The following CADPS2 variants were observed in gnomAD, a reference collection of about 807,000 sequenced individuals.
CADPS2 encodes calcium-dependent secretion activator 2.
A neutral mutation model predicts 172.5 loss-of-function variants in CADPS2; 93 were observed. The observed-to-expected ratio is 0.54, with a 90% CI of 0.46 to 0.64. The LOEUF is 0.64. CADPS2 is among the 30% of genes least tolerant of loss of function. The pLI is 0.00. For missense variants in CADPS2, 1,420 were observed against 1,565.9 expected, an observed-to-expected ratio of 0.91 and a Z score of 1.57; for synonymous variants, 546 against 555.2, an observed-to-expected ratio of 0.98 and a Z score of 0.23.
At chr7:122,746,914 T>C (rs1460708253) in intron 1 of CADPS2, among the ~76,000 whole-genome samples, 1 of 152,138 alleles carries the variant, frequency 6.6e-6, no homozygotes, top group Non-Finnish European at 1.5e-5. Flanking sequence ...GCAAGTCTTG[T>C]TGGTCATTAT....
intron 1 of CADPS2, among the ~76,000 whole-genome samples, chr7:122,871,230 A>G (rs1162583336): frequency 6.6e-6 from 1 of 151,796 alleles, no homozygotes; most frequent in Non-Finnish European, 1.5e-5. Flanking sequence ...TTTTTGACTT[A>G]TGTATTCCAG....
chr7:122,471,456 T>A lies in CADPS2; in HGVS notation c.2105A>T (p.His702Leu). ...GTCAATGACAGCACCATTTTCTGAA[T>A]GTTCCATCAGTTCTGCAAGGTAGCA... The part of the protein sequence containing the change: ...HLCYLAELME[H>L]SENGAVIDPT... The change falls in exon 14 of 30, where the codon CAT (histidine) becomes CTT (leucine). Residue 702 changes from histidine (H) to leucine (L), a missense_variant. Transcript: ENST00000449022. 6.2e-7 allele frequency: 1 copy of A among 1,613,616 alleles called. No homozygotes were observed. The highest frequency in any genetic ancestry group is 8.5e-7 in the Non-Finnish European group (1 of 1,179,742).
intron 1 of CADPS2, among the ~76,000 whole-genome samples, chr7:122,766,112 A>G (rs570735894): frequency 6.6e-6 from 1 of 152,172 alleles, no homozygotes; most frequent in African/African-American, 2.4e-5. Flanking sequence ...GGCACATGCA[A>G]AGAGGCCAAA....
At chr7:122,662,380 T>A (rs2080682659) in intron 3 of CADPS2, among the ~76,000 whole-genome samples, 1 of 150,022 alleles carries the variant, frequency 6.7e-6, no homozygotes, top group Admixed American at 6.7e-5. Flanking sequence ...CCCTGCTTTT[T>A]TTTTTTTTTT....
chr7:122,874,165 TAC>T (rs1243756225), intron 1 of CADPS2, among the ~76,000 whole-genome samples: 1 of 152,232 alleles, frequency 6.6e-6, no homozygotes, highest in African/African-American at 2.4e-5. Flanking sequence ...TTAGTTCTTT[TAC>T]ATCCCATTTA....
intron 9 of CADPS2, among the ~76,000 whole-genome samples, chr7:122,491,734 T>G (rs2129724229): frequency 6.6e-6 from 1 of 152,274 alleles, no homozygotes; most frequent in Admixed American, 6.5e-5. Context: ...ATTAGCCTAT[T>G]AAGAAGATAA....
At chr7:122,373,109 T>C (rs1318851155) in intron 25 of CADPS2, among the ~76,000 whole-genome samples, 1 of 152,230 alleles carries the variant, frequency 6.6e-6, no homozygotes, top group Admixed American at 6.5e-5. Context: ...CAGTAGGTAC[T>C]TCATAACTCT....
rs117467796 is a variant in CADPS2 at position 122,362,911 on chromosome 7, C to T, written c.3388-1898G>A. Among the ~76,000 whole-genome samples, 300 of 152,178 alleles carry T rather than the reference C, an allele frequency of 2.0e-3. 2 individuals are homozygous for T. Among genetic ancestry groups the T allele is most frequent in the Middle Eastern group, 3.4e-3 (1 of 294 alleles). Reference sequence around the variant, plus strand: ...ATAGGTTTCTCCATCACATCATTTGCGACATGATGTAAGAACACAGAAACA... The same window carrying T: ...ATAGGTTTCTCCATCACATCATTTGTGACATGATGTAAGAACACAGAAACA... On this transcript the variant is annotated intron_variant, in intron 25 of 29. Coordinates refer to ENST00000449022, the MANE Select transcript of CADPS2 (RefSeq NM_017954.11).
intron 1 of CADPS2, among the ~76,000 whole-genome samples, chr7:122,769,615 C>A (rs1306968488): frequency 6.6e-6 from 1 of 152,132 alleles, no homozygotes; most frequent in African/African-American, 2.4e-5. Context: ...TTGCTAAAAG[C>A]CATTTTCTCA....
chr7:122,391,266 G>A (rs2044332520), intron 22 of CADPS2, among the ~76,000 whole-genome samples: 1 of 151,918 alleles, frequency 6.6e-6, no homozygotes, highest in African/African-American at 2.4e-5. Flanking sequence ...TCCCCAGAAT[G>A]GTGAAAGCAC....
intron 5 of CADPS2, among the ~76,000 whole-genome samples, chr7:122,621,205 T>G (rs1396577554): frequency 6.6e-6 from 1 of 152,070 alleles, no homozygotes; most frequent in African/African-American, 2.4e-5. Context: ...CTCATCTTAT[T>G]TTATCAGTAA....
intron 19 of CADPS2, among the ~76,000 whole-genome samples, chr7:122,408,181 T>A (rs909590577): frequency 8.9e-6 from 1 of 112,822 alleles, no homozygotes; most frequent in African/African-American, 4.7e-5. Flanking sequence ...TATACTGTTA[T>A]TTTTTTTTTT....
At chr7:122,761,603 C>A (rs1179897650) in intron 1 of CADPS2, among the ~76,000 whole-genome samples, 5 of 151,932 alleles carry the variant, frequency 3.3e-5, no homozygotes, top group Non-Finnish European at 7.4e-5. Context: ...AAACCACCAC[C>A]CTATTCTTAC....
chr7:122,568,129 T>C (rs549928247), intron 7 of CADPS2, among the ~76,000 whole-genome samples: 109 of 152,246 alleles, frequency 7.2e-4, no homozygotes, highest in Admixed American at 1.4e-3. Context: ...CTGGGCACAG[T>C]GGCTCATGCC....
rs562110145 is a variant in CADPS2, at chr7:122,471,513, C to T, written c.2048G>A (p.Arg683His). ...QVFVLDEYCA[R>H]YGVRGCHRHL... ...TCTGTGACAGCCTCTCACACCATAA[C>T]GGGCACAGTACTCATCTAACACAAA... The change falls in exon 14 of 30, where the codon CGT (arginine) becomes CAT (histidine). Residue 683 changes from arginine to histidine, a missense_variant. Physicochemically the swap from Arg to His is conservative, Grantham distance 29. Transcript: ENST00000449022. 3.7e-6 allele frequency: 6 copies of T among 1,610,980 alleles called. No individual in the cohort carries two copies. Among genetic ancestry groups the T allele is most frequent in the East Asian group, 4.5e-5 (2 of 44,682 alleles).
chr7:122,513,933 CG>C (rs2060171899), intron 8 of CADPS2, among the ~76,000 whole-genome samples: 1 of 152,142 alleles, frequency 6.6e-6, no homozygotes, highest in African/African-American at 2.4e-5. Context: ...CTGATAGTAA[CG>C]AAGATGCCAT....
intron 1 of CADPS2, among the ~76,000 whole-genome samples, chr7:122,829,361 T>C (rs1805829948): frequency 6.6e-6 from 1 of 152,212 alleles, no homozygotes; most frequent in Non-Finnish European, 1.5e-5. Flanking sequence ...GGATTAGAAA[T>C]GCTCTCCCCT....
chr7:122,575,418 T>C (rs2067888421), intron 7 of CADPS2, among the ~76,000 whole-genome samples: 1 of 149,904 alleles, frequency 6.7e-6, no homozygotes, highest in Non-Finnish European at 1.5e-5. Flanking sequence ...TTCAATTCTT[T>C]TTCTTTTCTT....
At chr7:122,779,466 G>A (rs1355064226) in intron 1 of CADPS2, among the ~76,000 whole-genome samples, 1 of 152,090 alleles carries the variant, frequency 6.6e-6, no homozygotes, top group African/African-American at 2.4e-5. Flanking sequence ...CATACCCACA[G>A]ACATTTCATT....
Sources: allele counts gnomAD v4.1 joint callset (sites outside exome capture counted in the v4.1 genomes callset), GRCh38; gene constraint gnomAD v4.1.1; transcripts MANE v1.5; gene names NCBI Gene and HGNC (gene_info 2026-07-23, HGNC 2026-07-21).